CEP112: variants seen among roughly 807,000 people sequenced by gnomAD.
CEP112 encodes the protein centrosomal protein of 112 kDa.
Under a neutral mutation model 153.0 loss-of-function variants are expected in CEP112, and 127 were observed. The ratio of observed to expected loss-of-function variants is 0.83; its 90% CI spans 0.72 to 0.96. The LOEUF (loss-of-function observed/expected upper bound fraction) is 0.96, where lower values mean the gene tolerates loss of function less well. Among genes scored for constraint, CEP112 ranks in the 40% least tolerant of loss-of-function variants. The probability of loss-of-function intolerance (pLI) is 0.00; values close to 1 mark genes in which losing one functional copy is unlikely to be tolerated. For synonymous variants in CEP112, 358 were observed against 374.4 expected (o/e 0.96, Z 0.51); for missense variants, 1,089 against 1,101.2 (o/e 0.99, Z 0.16).
intron 8 of CEP112, among the ~76,000 whole-genome samples, chr17:66,080,567 G>C (rs1383219455): frequency 6.6e-6 from 1 of 152,192 alleles, no homozygotes; most frequent in African/African-American, 2.4e-5. Flanking sequence ...GTTGGTGGGA[G>C]TGTAAATTAG....
rs753939397 is a variant in CEP112 at position 65,927,678 on chromosome 17, C to T, written c.1884G>A (p.Val628=). 3.9e-6 allele frequency: 6 copies of T among 1,548,224 alleles called. No homozygotes were observed. In the South Asian group the frequency reaches 6.5e-5, roughly 17 times the overall value. The change falls in exon 19 of 27, where the codon GTG becomes GTA. Residue 628 remains valine (V), a synonymous_variant. Transcript: ENST00000535342. ...YAEMKEQMEK[V]EADLTRSKSL... ...ATTTGGATCTAGTTAGATCTGCCTCCACTTTTTCCATCTATAAAATTTAAA... is the reference window on the plus strand; with the variant it reads ...ATTTGGATCTAGTTAGATCTGCCTCTACTTTTTCCATCTATAAAATTTAAA...
intron 24 of CEP112, among the ~76,000 whole-genome samples, chr17:65,654,524 A>G (rs1220282967): frequency 6.6e-6 from 1 of 152,230 alleles, no homozygotes; most frequent in Non-Finnish European, 1.5e-5. Context: ...TGGTGCAGGA[A>G]GCAGTTGCCG....
intron 24 of CEP112, among the ~76,000 whole-genome samples, chr17:65,648,553 G>A (rs2045563704): frequency 6.6e-6 from 1 of 152,150 alleles, no homozygotes; most frequent in Non-Finnish European, 1.5e-5. Context: ...AAGTAGAACT[G>A]AAATCAAGGG....
chr17:65,950,699 C>CTATTATTATTAGTAGTAG (rs57598697), intron 18 of CEP112, among the ~76,000 whole-genome samples: 2,596 of 147,176 alleles, frequency 0.018, 34 homozygotes, highest in African/African-American at 0.024. Flanking sequence ...GGATACATTA[C>CTATTATTATTAGTAGTAG]TAGTAGTAGT....
chr17:65,938,390 G>A (rs12946870), intron 18 of CEP112, among the ~76,000 whole-genome samples: 1 of 130,864 alleles, frequency 7.6e-6, no homozygotes, highest in Admixed American at 7.9e-5. Flanking sequence ...TCCCCCTCTG[G>A]GAGAAACACC....
intron 12 of CEP112, among the ~76,000 whole-genome samples, chr17:66,053,400 T>C (rs2066527636): frequency 6.6e-6 from 1 of 151,876 alleles, no homozygotes; most frequent in Non-Finnish European, 1.5e-5. Flanking sequence ...CTCAGGAGGA[T>C]AGTTTGAACC....
chr17:65,975,998 C>T (rs886480899), intron 17 of CEP112, among the ~76,000 whole-genome samples: 4 of 152,340 alleles, frequency 2.6e-5, no homozygotes, highest in South Asian at 2.1e-4. Context: ...GCAATCCTCC[C>T]GACTTCCCTA....
intron 12 of CEP112, among the ~76,000 whole-genome samples, chr17:66,035,986 T>C (rs923129440): frequency 6.6e-6 from 1 of 152,138 alleles, no homozygotes; most frequent in African/African-American, 2.4e-5. Context: ...GATGAATGAA[T>C]AGCTAAAGAA....
intron 2 of CEP112, among the ~76,000 whole-genome samples, chr17:66,180,738 G>T (rs1488698388): frequency 6.6e-6 from 1 of 152,004 alleles, no homozygotes; most frequent in African/African-American, 2.4e-5. Context: ...AACTATTCTG[G>T]TATTAATTTT....
chr17:65,816,358 G>A (rs1374077679), intron 21 of CEP112, among the ~76,000 whole-genome samples: 3 of 151,742 alleles, frequency 2.0e-5, no homozygotes, highest in South Asian at 2.1e-4. Flanking sequence ...TTCTTTAGTG[G>A]TGATCTGTGA....
chr17:65,648,387 T>TGGTGCCCATGTGACTAAAGGGC (rs1346845618), intron 24 of CEP112, among the ~76,000 whole-genome samples: 1 of 152,250 alleles, frequency 6.6e-6, no homozygotes, highest in Non-Finnish European at 1.5e-5. Context: ...CTTTATAACA[T>TGGTGCCCATGTGACTAAAGGGC]GGTGCCCATG....
intron 20 of CEP112, chr17:65,873,719 A>C (rs2058737590): frequency 1.3e-5 from 2 of 152,332 alleles, no homozygotes; most frequent in Admixed American, 1.3e-4. Context: ...TGTAGTTCCA[A>C]AGCAAAGAAC....
chr17:65,791,003 T>C (rs1380278188), intron 21 of CEP112, among the ~76,000 whole-genome samples: 2 of 148,940 alleles, frequency 1.3e-5, no homozygotes, highest in African/African-American at 2.4e-5. Flanking sequence ...ACCCTATCTA[T>C]ATCCCAATTA....
chr17:65,728,267 A>G (rs1567925749), intron 23 of CEP112, among the ~76,000 whole-genome samples: 1 of 152,234 alleles, frequency 6.6e-6, no homozygotes, highest in East Asian at 1.9e-4. Flanking sequence ...TTAGAAGTAG[A>G]AAAACACTGT....
Position 66,065,207 on chromosome 17 carries a change from T to C in CEP112, c.955+1571A>G, listed in dbSNP as rs111497854. Among the ~76,000 whole-genome samples the C allele has an allele frequency of 2.2e-3, 341 of 152,330 alleles. 3 individuals carry two copies. The highest frequency in any genetic ancestry group is 4.8e-3 in the South Asian group (23 of 4,830). ...TTCAGAAATCCTTCTCACCTTAACA[T>C]GCAAAATTACAGCAGCACAGAAGCA... On this transcript the variant is annotated intron_variant, in intron 10 of 26. Coordinates refer to ENST00000535342, the MANE Select transcript of CEP112 (RefSeq NM_001199165.4).
At chr17:65,758,028 C>T (rs890842943) in intron 21 of CEP112, among the ~76,000 whole-genome samples, 4 of 152,092 alleles carry the variant, frequency 2.6e-5, no homozygotes. Context: ...GAGACAGGGT[C>T]TCACTATGTT....
At chr17:65,741,185 G>A (rs2051112914) in intron 23 of CEP112, among the ~76,000 whole-genome samples, 1 of 152,024 alleles carries the variant, frequency 6.6e-6, no homozygotes, top group Non-Finnish European at 1.5e-5. Flanking sequence ...ATGAGATAAT[G>A]GAACATGAGA....
At chr17:66,045,945 A>G (rs1276503696) in intron 12 of CEP112, among the ~76,000 whole-genome samples, 1 of 152,258 alleles carries the variant, frequency 6.6e-6, no homozygotes, top group Non-Finnish European at 1.5e-5. Context: ...GGAGTTTTCC[A>G]GAGGCTACAT....
intron 21 of CEP112, among the ~76,000 whole-genome samples, chr17:65,764,449 T>C (rs1397674226): frequency 6.6e-6 from 1 of 152,276 alleles, no homozygotes; most frequent in African/African-American, 2.4e-5. Context: ...TAATGTCTAA[T>C]GTGCTCTAAT....
Sources: allele counts gnomAD v4.1 joint callset (sites outside exome capture counted in the v4.1 genomes callset), GRCh38; gene constraint gnomAD v4.1.1; transcripts MANE v1.5; gene names NCBI Gene and HGNC (gene_info 2026-07-23, HGNC 2026-07-21).